ANKRD45: variants seen among roughly 807,000 people sequenced by gnomAD.
ANKRD45 encodes the protein ankyrin repeat domain-containing protein 45.
In ANKRD45, 21 loss-of-function variants were observed where a neutral mutation model predicts 28.1. That is an observed-to-expected ratio of 0.75 (90% CI 0.53 to 1.08). The LOEUF is 1.08. Among genes scored for constraint, ANKRD45 ranks in the 50% least tolerant of loss-of-function variants. ANKRD45 has a pLI of 0.00. For synonymous variants in ANKRD45, 86 were observed against 103.9 expected, an observed-to-expected ratio of 0.83 and a Z score of 1.05; for missense variants, 261 against 308.7, an observed-to-expected ratio of 0.85 and a Z score of 1.16.
chr1:173,634,711 CTATT>C (rs1246528957), intron 3 of ANKRD45, among the ~76,000 whole-genome samples: 23 of 151,778 alleles, frequency 1.5e-4, no homozygotes, highest in Non-Finnish European at 3.1e-4. Context: ...AAAATGAGAA[CTATT>C]TATTTTTTAT....
chr1:173,652,528 G>A (rs1669281085), intron 2 of ANKRD45, among the ~76,000 whole-genome samples: 1 of 152,160 alleles, frequency 6.6e-6, no homozygotes, highest in Non-Finnish European at 1.5e-5. Flanking sequence ...TCACATCGAT[G>A]TTCATCAGGG....
At chr1:173,663,162 G>C (rs1388221190) in intron 1 of ANKRD45, among the ~76,000 whole-genome samples, 2 of 151,490 alleles carry the variant, frequency 1.3e-5, no homozygotes, top group African/African-American at 4.9e-5. Flanking sequence ...TCCCACACCG[G>C]AAGACTAAGA....
At chr1:173,619,130 G>A (rs968700366) in intron 5 of ANKRD45, among the ~76,000 whole-genome samples, 4 of 152,216 alleles carry the variant, frequency 2.6e-5, no homozygotes, top group South Asian at 4.1e-4. Flanking sequence ...AGGAGCTCCT[G>A]AAGGGAGCAC....
At chr1:173,691,774 G>C in the ANKRD45 span, among the ~76,000 whole-genome samples, 6 of 152,272 alleles carry the variant, frequency 3.9e-5, no homozygotes, top group African/African-American at 2.4e-5. Flanking sequence ...GCGACAGAGA[G>C]AGACTCCGTC....
chr1:173,654,597 T>G (rs1188565010), intron 2 of ANKRD45, among the ~76,000 whole-genome samples: 1 of 152,122 alleles, frequency 6.6e-6, no homozygotes, highest in African/African-American at 2.4e-5. Context: ...TTCTTGAGGA[T>G]TATCTTTGTG....
chr1:173,711,435 C>T, the ANKRD45 span, among the ~76,000 whole-genome samples: 1 of 152,312 alleles, frequency 6.6e-6, no homozygotes, highest in East Asian at 1.9e-4. Flanking sequence ...GAGAAGGCTT[C>T]CAGGTCATAG....
At chr1:173,620,018 AC>A (rs1667632197) in intron 5 of ANKRD45, among the ~76,000 whole-genome samples, 1 of 152,108 alleles carries the variant, frequency 6.6e-6, no homozygotes, top group Non-Finnish European at 1.5e-5. Flanking sequence ...AGACTTTAAC[AC>A]CCCACTGACA....
intron 1 of ANKRD45, among the ~76,000 whole-genome samples, chr1:173,669,042 T>C (rs149435601): frequency 1.3e-5 from 2 of 152,326 alleles, no homozygotes; most frequent in South Asian, 2.1e-4. Flanking sequence ...CCACCCACAA[T>C]AGAAAATCAC....
At chr1:173,666,642 A>C (rs1191772142) in intron 1 of ANKRD45, among the ~76,000 whole-genome samples, 2 of 152,174 alleles carry the variant, frequency 1.3e-5, no homozygotes, top group African/African-American at 4.8e-5. Flanking sequence ...ACAACCATCC[A>C]TGTTTTTTCA....
chr1:173,663,341 A>G (rs1365882699), intron 1 of ANKRD45, among the ~76,000 whole-genome samples: 2 of 152,138 alleles, frequency 1.3e-5, no homozygotes, highest in Admixed American at 6.5e-5. Context: ...TAGTATGCTG[A>G]TCAAACTGCC....
chr1:173,652,325 A>C (rs1397743260), intron 2 of ANKRD45, among the ~76,000 whole-genome samples: 1 of 152,098 alleles, frequency 6.6e-6, no homozygotes, highest in Non-Finnish European at 1.5e-5. Context: ...AATTTTGTCA[A>C]AGGCCTTTTC....
Position 173,659,202 on chromosome 1 carries a change from C to T in ANKRD45, c.217G>A (p.Glu73Lys). Residue 73 changes from glutamate to lysine, a missense_variant, in exon 2 of 6, where the codon GAA (glutamate) becomes AAA (lysine). Coordinates refer to ENST00000333279, the MANE Select transcript of ANKRD45 (RefSeq NM_198493.3). ...HEQAMQLLLE[E>K]DIVGRNLLYA... Reference sequence around the variant, plus strand: ...AACAAATTTCTCCCAACGATGTCTTCTTCTAAGAGAAGCTGCATGGCCTGT... The same window carrying T: ...AACAAATTTCTCCCAACGATGTCTTTTTCTAAGAGAAGCTGCATGGCCTGT... The T allele has an allele frequency of 1.2e-6, 2 of 1,614,196 alleles. No homozygotes were observed. The highest frequency in any genetic ancestry group is 1.7e-6 in the Non-Finnish European group (2 of 1,180,034).
the ANKRD45 span, among the ~76,000 whole-genome samples, chr1:173,692,202 A>G: frequency 1.6e-4 from 25 of 152,352 alleles, no homozygotes; most frequent in Middle Eastern, 3.4e-3. Flanking sequence ...AATTGAACAT[A>G]CTGACATATT....
chr1:173,659,479 A>ATGTGTT, intron 1 of ANKRD45, 46 bp from the exon 2 acceptor site: 1 of 1,445,388 alleles, frequency 6.9e-7, no homozygotes, highest in Non-Finnish European at 9.3e-7. Context: ...ACTCAAACAC[A>ATGTGTT]TCAGTATTTG....
chr1:173,637,019 G>A, intron 3 of ANKRD45: 1 of 1,530,252 alleles, frequency 6.5e-7, no homozygotes. Flanking sequence ...TAAAGAAGAA[G>A]GAGCCAGAAG....
At chr1:173,697,844 T>G in the ANKRD45 span, among the ~76,000 whole-genome samples, 1 of 152,110 alleles carries the variant, frequency 6.6e-6, no homozygotes, top group Non-Finnish European at 1.5e-5. Context: ...ATGGGCTAAA[T>G]GCCCCAATTA....
intron 4 of ANKRD45, among the ~76,000 whole-genome samples, chr1:173,625,238 C>T (rs1390898512): frequency 6.6e-6 from 1 of 152,048 alleles, no homozygotes; most frequent in African/African-American, 2.4e-5. Context: ...CACAATAAAA[C>T]TCACCATCGA....
At chr1:173,612,700 T>C (rs12164630) in intron 5 of ANKRD45, 25,852 of 157,278 alleles carry the variant, frequency 0.16, 7,314 homozygotes, top group African/African-American at 0.59. Flanking sequence ...GCCTGATTCT[T>C]CTGCCTCAGC....
At chr1:173,683,316 A>G in the ANKRD45 span, among the ~76,000 whole-genome samples, 1 of 152,124 alleles carries the variant, frequency 6.6e-6, no homozygotes, top group Non-Finnish European at 1.5e-5. Context: ...AGGAAAAAAA[A>G]ATTCATCTTC....
Sources: allele counts gnomAD v4.1 joint callset (sites outside exome capture counted in the v4.1 genomes callset), GRCh38; gene constraint gnomAD v4.1.1; transcripts MANE v1.5; gene names NCBI Gene and HGNC (gene_info 2026-07-23, HGNC 2026-07-21).